Variants in TRA2A observed in about 807,000 individuals in gnomAD.
The protein encoded by TRA2A is transformer-2 protein homolog alpha.
A neutral mutation model predicts 45.7 loss-of-function variants in TRA2A; 31 were observed. The ratio of observed to expected loss-of-function variants is 0.68; its 90% CI spans 0.51 to 0.92. The LOEUF is 0.92. Among genes scored for constraint, TRA2A ranks in the 40% least tolerant of loss-of-function variants. The pLI is 0.00. For missense variants in TRA2A, 304 were observed against 367.5 expected (o/e 0.83, Z 1.41); for synonymous variants, 132 against 126.2 (o/e 1.05, Z -0.31).
At chr7:23,511,370 C>CAAAAAAAAAAAAAAAAAAA (rs567187750) in intron 4 of TRA2A, among the ~76,000 whole-genome samples, 2 of 40,114 alleles carry the variant, frequency 5.0e-5, no homozygotes, top group Non-Finnish European at 9.3e-5. Context: ...GACTCCATCT[C>CAAAAAAAAAAAAAAAAAAA]AAAAAAAAAA....
chr7:23,521,674 G>T lies in TRA2A; in HGVS notation c.170+33C>A. 1.9e-6 allele frequency: 3 copies of T among 1,605,846 alleles called. No individual in the cohort carries two copies. The South Asian group carries it at 3.3e-5, about 18-fold the overall frequency. On this transcript the variant is annotated intron_variant, in intron 2 of 7. Coordinates refer to ENST00000297071, the MANE Select transcript of TRA2A (RefSeq NM_013293.5). Reference sequence around the variant, plus strand: ...TGCTTTGTCCTCAAAAACCCCAGAAGAATATTTTAAGTATTATCTTAAACA... The same window carrying T: ...TGCTTTGTCCTCAAAAACCCCAGAATAATATTTTAAGTATTATCTTAAACA...
intron 4 of TRA2A, among the ~76,000 whole-genome samples, chr7:23,511,819 C>G (rs1480221360): frequency 6.6e-6 from 1 of 152,132 alleles, no homozygotes; most frequent in East Asian, 1.9e-4. Context: ...TTGTGTTAGG[C>G]AAGTTAAGAA....
At chr7:23,516,584 C>T (rs1459912211) in intron 2 of TRA2A, 56 bp from the exon 3 acceptor site, 22 of 1,533,800 alleles carry the variant, frequency 1.4e-5, no homozygotes, top group Non-Finnish European at 2.0e-5. Context: ...TAAAGTCCTT[C>T]CCTCTTCCAA....
rs1172862118 is a variant in TRA2A at position 23,521,611 on chromosome 7, T to A, written c.170+96A>T. 4 of 1,387,960 alleles carry A rather than the reference T, an allele frequency of 2.9e-6. No individual in the cohort carries two copies. In the African/African-American group the frequency reaches 5.8e-5, roughly 20 times the overall value. 86.0% of individuals were successfully genotyped at this position (1,387,960 alleles called of 1,614,324 possible). On this transcript the variant is annotated intron_variant, in intron 2 of 7. Coordinates refer to ENST00000297071, the MANE Select transcript of TRA2A (RefSeq NM_013293.5). ...GTCTGAGAAAAACTATAATTTTGAG[T>A]CTTTCGTGAAATTTCTACACAAAAT...
chr7:23,528,317 TCTGCCTCACCCTCC>T (rs1790424102), intron 1 of TRA2A, among the ~76,000 whole-genome samples: 1 of 151,986 alleles, frequency 6.6e-6, no homozygotes, highest in Non-Finnish European at 1.5e-5. Flanking sequence ...CAAGTGATTC[TCTGCCTCACCCTCC>T]CGAGTAGCTG....
chr7:23,521,735 A>G lies in TRA2A; in HGVS notation c.142T>C (p.Ser48Pro). The change falls in exon 2 of 8, where the codon TCC becomes CCC. Residue 48 changes from serine (S) to proline (P), a missense_variant. Physicochemically the swap from Ser to Pro is moderately conservative, Grantham distance 74. Around this residue, in one of 3 missense-constraint regions of TRA2A, gnomAD observed 132 missense variants for 113.4 expected, o/e 1.16. Coordinates refer to ENST00000297071, the MANE Select transcript of TRA2A (RefSeq NM_013293.5). ...GATTTTGATCTTGATCGAGAATGGGATTCAGAGTGTTTGGAAACCCTTGAT... is the reference window on the plus strand; with the variant it reads ...GATTTTGATCTTGATCGAGAATGGGGTTCAGAGTGTTTGGAAACCCTTGAT... ...SPSRVSKHSE[S>P]HSRSRSKSRS... 1 of 1,614,198 alleles carries G rather than the reference A, an allele frequency of 6.2e-7. No homozygotes were observed. Among genetic ancestry groups the G allele is most frequent in the Non-Finnish European group, 8.5e-7 (1 of 1,180,024 alleles).
chr7:23,522,618 CAA>C (rs1392087570), intron 1 of TRA2A, among the ~76,000 whole-genome samples: 9 of 146,918 alleles, frequency 6.1e-5, no homozygotes, highest in Non-Finnish European at 1.5e-5. Context: ...TAGTTTCTAA[CAA>C]AGAGAATTTA....
At chr7:23,522,933 G>GA (rs143032670) in intron 1 of TRA2A, among the ~76,000 whole-genome samples, 11 of 151,856 alleles carry the variant, frequency 7.2e-5, no homozygotes, top group South Asian at 2.1e-4. Flanking sequence ...AAGTCAAAAA[G>GA]AAAAAAATCA....
intron 4 of TRA2A, among the ~76,000 whole-genome samples, chr7:23,509,871 C>A (rs2127991837): frequency 6.6e-6 from 1 of 151,976 alleles, no homozygotes; most frequent in Non-Finnish European, 1.5e-5. Flanking sequence ...CCAAAAAATA[C>A]AAAAATTAGC....
intron 4 of TRA2A, among the ~76,000 whole-genome samples, chr7:23,511,621 C>T (rs1238084855): frequency 6.6e-6 from 1 of 151,942 alleles, no homozygotes; most frequent in Non-Finnish European, 1.5e-5. Flanking sequence ...TGGTGGTTCA[C>T]ATCAGTAATT....
At chr7:23,509,150 G>A (rs1050135884) in intron 4 of TRA2A, among the ~76,000 whole-genome samples, 1 of 152,040 alleles carries the variant, frequency 6.6e-6, no homozygotes, top group Non-Finnish European at 1.5e-5. Flanking sequence ...TTTTTAAAAA[G>A]AACTTTACAT....
At chr7:23,516,627 G>T in intron 2 of TRA2A, 99 bp from the exon 3 acceptor site, 1 of 1,061,076 alleles carries the variant, frequency 9.4e-7, no homozygotes, top group Non-Finnish European at 1.4e-6. Context: ...CTATTCTCAG[G>T]TCCTTCCTCC....
At chr7:23,517,338 G>A (rs1197398058) in intron 2 of TRA2A, among the ~76,000 whole-genome samples, 1 of 150,954 alleles carries the variant, frequency 6.6e-6, no homozygotes, top group Non-Finnish European at 1.5e-5. Context: ...AATTAGCTGG[G>A]CATGGTGGCG....
intron 1 of TRA2A, among the ~76,000 whole-genome samples, chr7:23,526,723 A>G (rs1266574786): frequency 3.9e-5 from 6 of 152,196 alleles, no homozygotes; most frequent in Admixed American, 1.3e-4. Context: ...CCTTAAAAAG[A>G]AGATAGCGAC....
Position 23,506,212 on chromosome 7 carries a change from T to C in TRA2A, c.696A>G (p.Arg232=). ...CTCTATCATAGTAAGAATCTCGACG[T>C]CTGCCACCACCTCCACCTCCACCGC... ...GGGGGGGGGG[R]RRDSYYDRGY... Residue 232 remains arginine (R), a synonymous_variant, in exon 6 of 8, where the codon AGA becomes AGG. Coordinates refer to ENST00000297071, the MANE Select transcript of TRA2A (RefSeq NM_013293.5). 1 of 1,613,538 alleles carries C rather than the reference T, an allele frequency of 6.2e-7. No homozygotes were observed. Among genetic ancestry groups the C allele is most frequent in the Non-Finnish European group, 8.5e-7 (1 of 1,179,640 alleles).
chr7:23,511,689 A>G (rs1779718092), intron 4 of TRA2A, among the ~76,000 whole-genome samples: 1 of 151,880 alleles, frequency 6.6e-6, no homozygotes. Context: ...TTGTTCCGAG[A>G]CCAGCCTAAG....
In TRA2A at chr7:23,516,500, G is replaced by A. The variant is rs1322119156; in HGVS notation, c.199C>T (p.Arg67Cys). ...RSRSRRHSHR[R>C]YTRSRSHSHS... ...GAGTGGGATCTGGATCGAGTGTAAC[G>A]TCTATGAGAATGTCTCCTTGACCTC... Residue 67 changes from arginine (R) to cysteine (C), a missense_variant, in exon 3 of 8, where the codon CGT becomes TGT. By Grantham distance (180) the Arg-to-Cys change is radical (BLOSUM62 -3). This residue lies in a region of TRA2A where 132 missense variants were observed against 113.4 expected (regional missense o/e 1.16). Coordinates refer to ENST00000297071, the MANE Select transcript of TRA2A (RefSeq NM_013293.5). The A allele has an allele frequency of 3.1e-6, 5 of 1,614,068 alleles. No homozygotes were observed. The highest frequency in any genetic ancestry group is 2.7e-5 in the African/African-American group (2 of 74,924).
chr7:23,518,181 C>A (rs1789973325), intron 2 of TRA2A, among the ~76,000 whole-genome samples: 1 of 152,016 alleles, frequency 6.6e-6, no homozygotes, highest in South Asian at 2.1e-4. Context: ...AAGCAATTTG[C>A]CCACCTCGAC....
At chr7:23,509,359 C>T (rs1295900512) in intron 4 of TRA2A, among the ~76,000 whole-genome samples, 3 of 152,048 alleles carry the variant, frequency 2.0e-5, no homozygotes, top group Non-Finnish European at 2.9e-5. Context: ...CATATGCACA[C>T]TAATAACTTT....
Sources: allele counts gnomAD v4.1 joint callset (sites outside exome capture counted in the v4.1 genomes callset), GRCh38; gene constraint gnomAD v4.1.1; regional missense constraint gnomAD v4.1.1; transcripts MANE v1.5; gene names NCBI Gene and HGNC (gene_info 2026-07-23, HGNC 2026-07-21).